The following GPC6 variants were observed in gnomAD, a reference collection of about 807,000 sequenced individuals.
GPC6 encodes glypican 6.
GPC6 carries 14 observed loss-of-function variants against 55.2 expected under a neutral mutation model. That is an observed-to-expected ratio of 0.25 (90% CI 0.17 to 0.40). The LOEUF is 0.40. GPC6 is among the 10% of genes least tolerant of loss of function. GPC6 has a pLI of 1.00. For synonymous variants in GPC6, 278 were observed against 259.6 expected, an observed-to-expected ratio of 1.07 and a Z score of -0.68; for missense variants, 641 against 708.5, an observed-to-expected ratio of 0.90 and a Z score of 1.08.
intron 1 of GPC6, among the ~76,000 whole-genome samples, chr13:93,453,450 A>G (rs959329134): frequency 6.6e-6 from 1 of 151,932 alleles, no homozygotes; most frequent in Non-Finnish European, 1.5e-5. Flanking sequence ...AGTTGAGTTT[A>G]TGTAAATCTC....
rs549999791 is a variant in GPC6 at position 93,279,420 on chromosome 13, G to A, written c.160+51804G>A. Among the ~76,000 whole-genome samples the A allele has an allele frequency of 2.0e-5, 3 of 152,310 alleles. No individual in the cohort carries two copies. The South Asian group carries it at 6.2e-4, about 32-fold the overall frequency. On this transcript the variant is annotated intron_variant, in intron 1 of 8. Coordinates refer to ENST00000377047, the MANE Select transcript of GPC6 (RefSeq NM_005708.5). ...CGCTATACAATAATCACCTCTTAGG[G>A]ATTCAGTGCCATTTGCATATGAAAG...
chr13:94,389,512 CT>C (rs1225616681), intron 7 of GPC6, among the ~76,000 whole-genome samples: 1 of 152,142 alleles, frequency 6.6e-6, no homozygotes, highest in Non-Finnish European at 1.5e-5. Context: ...AGGCCCTTAC[CT>C]TTTTGCTCAT....
In GPC6 at chr13:93,242,524, C is replaced by G. The variant is rs140805364; in HGVS notation, c.160+14908C>G. 8.2e-4 allele frequency among the ~76,000 whole-genome samples: 125 copies of G among 152,280 alleles called. 1 individual carries two copies. The highest frequency in any genetic ancestry group is 2.7e-3 in the African/African-American group (113 of 41,560). ...AAGACCATCTACAGATGCACCCAAG[C>G]CAAGCTCCTACAGGAGACATCCTGG... On this transcript the variant is annotated intron_variant, in intron 1 of 8. Transcript: ENST00000377047.
intron 2 of GPC6, among the ~76,000 whole-genome samples, chr13:93,698,069 A>C (rs1234801329): frequency 1.3e-5 from 2 of 152,132 alleles, no homozygotes; most frequent in Non-Finnish European, 2.9e-5. Context: ...AGTACGCCAA[A>C]GTTGTCATCA....
At chr13:93,373,821 G>A (rs746032499) in intron 1 of GPC6, among the ~76,000 whole-genome samples, 14 of 152,074 alleles carry the variant, frequency 9.2e-5, no homozygotes, top group Non-Finnish European at 1.8e-4. Context: ...GTTAAATAAA[G>A]AAATCATTTT....
chr13:93,876,526 T>G (rs1484222643), intron 3 of GPC6, among the ~76,000 whole-genome samples: 1 of 152,076 alleles, frequency 6.6e-6, no homozygotes, highest in East Asian at 1.9e-4. Flanking sequence ...GAATACTTTT[T>G]GTTGCCTAAA....
At chr13:93,910,205 G>T (rs186344274) in intron 3 of GPC6, among the ~76,000 whole-genome samples, 1 of 152,078 alleles carries the variant, frequency 6.6e-6, no homozygotes, top group South Asian at 2.1e-4. Flanking sequence ...AATCATGGGG[G>T]TGGGTCTTTC....
At chr13:93,765,036 C>T (rs1441642387) in intron 2 of GPC6, among the ~76,000 whole-genome samples, 6 of 151,928 alleles carry the variant, frequency 3.9e-5, no homozygotes, top group Non-Finnish European at 8.8e-5. Flanking sequence ...CCTGACCTCG[C>T]GATCCACCCT....
chr13:93,738,350 T>C (rs1415694506), intron 2 of GPC6, among the ~76,000 whole-genome samples: 2 of 152,166 alleles, frequency 1.3e-5, no homozygotes, highest in African/African-American at 4.8e-5. Flanking sequence ...TCGGGCTTGG[T>C]AAAATGATCA....
At chr13:93,621,964 A>G (rs1180057952) in intron 2 of GPC6, among the ~76,000 whole-genome samples, 2 of 152,010 alleles carry the variant, frequency 1.3e-5, no homozygotes, top group Admixed American at 6.6e-5. Flanking sequence ...TATTCCTTCT[A>G]TCTAACTGTA....
intron 2 of GPC6, among the ~76,000 whole-genome samples, chr13:93,597,270 A>G (rs908760275): frequency 1.3e-5 from 2 of 152,228 alleles, no homozygotes; most frequent in African/African-American, 4.8e-5. Context: ...GACACATCAC[A>G]TGAACCATCA....
intron 6 of GPC6, among the ~76,000 whole-genome samples, chr13:94,357,949 G>C (rs1007669938): frequency 3.9e-5 from 6 of 152,210 alleles, no homozygotes; most frequent in African/African-American, 1.4e-4. Context: ...ATCTTGCACA[G>C]AGAAAACCCT....
In GPC6 at chr13:94,092,407, G is replaced by A. The variant is rs1189845371; in HGVS notation, c.877+64513G>A. On this transcript the variant is annotated intron_variant, in intron 4 of 8. Transcript: ENST00000377047. ...TGCAGTATTTGTCTCTCTGTGCTTGGCTTACTTCACTTAATGTACTCTAAA... is the reference window on the plus strand; with the variant it reads ...TGCAGTATTTGTCTCTCTGTGCTTGACTTACTTCACTTAATGTACTCTAAA... Among the ~76,000 whole-genome samples, 3 of 151,918 alleles carry A rather than the reference G, an allele frequency of 2.0e-5. No individual in the cohort carries two copies. The South Asian group carries it at 6.2e-4, about 32-fold the overall frequency.
chr13:94,386,620 T>C (rs1566746126), intron 7 of GPC6, among the ~76,000 whole-genome samples: 1 of 152,064 alleles, frequency 6.6e-6, no homozygotes, highest in Non-Finnish European at 1.5e-5. Context: ...TAAGAAGAAA[T>C]AATTTTTTTA....
At chr13:93,585,596 T>A (rs920529216) in intron 2 of GPC6, among the ~76,000 whole-genome samples, 22 of 152,230 alleles carry the variant, frequency 1.4e-4, no homozygotes, top group African/African-American at 5.1e-4. Context: ...CCTTAATAAT[T>A]TTGGTCTTCT....
chr13:93,847,728 T>C (rs892669037), intron 3 of GPC6, among the ~76,000 whole-genome samples: 1 of 152,140 alleles, frequency 6.6e-6, no homozygotes, highest in Non-Finnish European at 1.5e-5. Context: ...AATTTTTAAG[T>C]ATGCATTATG....
chr13:94,275,402 G>C (rs7317753), intron 4 of GPC6, among the ~76,000 whole-genome samples: 2,757 of 152,254 alleles, frequency 0.018, 97 homozygotes, highest in African/African-American at 0.063. Flanking sequence ...TCTACATCTA[G>C]AGGGAGAATA....
intron 3 of GPC6, among the ~76,000 whole-genome samples, chr13:93,863,575 T>C (rs559514359): frequency 2.6e-5 from 4 of 151,838 alleles, no homozygotes; most frequent in African/African-American, 9.6e-5. Context: ...CTGATTAGGC[T>C]CGATTTATGG....
intron 4 of GPC6, among the ~76,000 whole-genome samples, chr13:94,272,613 C>T (rs1333023043): frequency 7.3e-5 from 11 of 151,452 alleles, no homozygotes; most frequent in African/African-American, 2.2e-4. Flanking sequence ...GGACCACAGG[C>T]GCCCGCCACC....
Sources: allele counts gnomAD v4.1 joint callset (sites outside exome capture counted in the v4.1 genomes callset), GRCh38; gene constraint gnomAD v4.1.1; transcripts MANE v1.5; gene names NCBI Gene and HGNC (gene_info 2026-07-23, HGNC 2026-07-21).